The following SPMIP7 variants were observed in gnomAD, a reference collection of about 807,000 sequenced individuals.
SPMIP7 encodes protein SPMIP7.
chr7:50,152,722 T>C, the SPMIP7 span, among the ~76,000 whole-genome samples: 20 of 148,810 alleles, frequency 1.3e-4, no homozygotes, highest in East Asian at 3.7e-3. Flanking sequence ...CAGAGTACTC[T>C]GTCACTCAGG....
chr7:50,095,964 G>C, the SPMIP7 span: 1 of 620,668 alleles, frequency 1.6e-6, no homozygotes, highest in African/African-American at 1.9e-5. Flanking sequence ...TTAGAAAGCT[G>C]TGTCAATTTT....
the SPMIP7 span, among the ~76,000 whole-genome samples, chr7:50,112,354 C>T: frequency 6.6e-6 from 1 of 151,978 alleles, no homozygotes; most frequent in Non-Finnish European, 1.5e-5. Flanking sequence ...TTGGCATGGT[C>T]AGAATTTTGG....
the SPMIP7 span, among the ~76,000 whole-genome samples, chr7:50,144,421 AAT>A: frequency 1.3e-5 from 2 of 152,204 alleles, no homozygotes; most frequent in African/African-American, 4.8e-5. Flanking sequence ...GTAAGATTGA[AAT>A]ATGCACTAGA....
At chr7:50,114,555 G>T in the SPMIP7 span, among the ~76,000 whole-genome samples, 5 of 151,648 alleles carry the variant, frequency 3.3e-5, no homozygotes, top group African/African-American at 1.2e-4. Context: ...GTTAATAGGA[G>T]ATAAAATGAA....
At chr7:50,118,922 A>G in the SPMIP7 span, among the ~76,000 whole-genome samples, 1 of 152,210 alleles carries the variant, frequency 6.6e-6, no homozygotes, top group Non-Finnish European at 1.5e-5. Context: ...ATATGCCCTT[A>G]ATAATAGAAC....
At chr7:50,124,416 A>G in the SPMIP7 span, among the ~76,000 whole-genome samples, 1 of 152,166 alleles carries the variant, frequency 6.6e-6, no homozygotes, top group Admixed American at 6.5e-5. Flanking sequence ...CACTACACCA[A>G]ACACACACTA....
At chr7:50,145,616 GTGTA>G in the SPMIP7 span, among the ~76,000 whole-genome samples, 9 of 26,946 alleles carry the variant, frequency 3.3e-4, no homozygotes, top group Admixed American at 5.1e-4. Context: ...GTATATGTGT[GTGTA>G]TATATATATA....
chr7:50,141,426 C>A, the SPMIP7 span: 1 of 1,242,502 alleles, frequency 8.0e-7, no homozygotes, highest in Non-Finnish European at 1.2e-6. Context: ...TGTTTTATTA[C>A]TAAGGATGAA....
chr7:50,120,596 A>G, the SPMIP7 span, among the ~76,000 whole-genome samples: 1 of 152,160 alleles, frequency 6.6e-6, no homozygotes, highest in Non-Finnish European at 1.5e-5. Context: ...TCCTGTAAAC[A>G]CTGCCACCGA....
chr7:50,134,000 G>A, the SPMIP7 span: 6 of 969,240 alleles, frequency 6.2e-6, no homozygotes, highest in African/African-American at 3.3e-5. Flanking sequence ...CAAGGGGCAG[G>A]GATCCTCAGG....
At chr7:50,114,359 A>G in the SPMIP7 span, among the ~76,000 whole-genome samples, 2 of 152,172 alleles carry the variant, frequency 1.3e-5, no homozygotes, top group African/African-American at 2.4e-5. Context: ...GTGTGACAGT[A>G]GTATAAGGGA....
the SPMIP7 span, among the ~76,000 whole-genome samples, chr7:50,125,964 C>T: frequency 2.0e-5 from 3 of 151,984 alleles, no homozygotes; most frequent in African/African-American, 7.2e-5. Flanking sequence ...AGATTTTTGG[C>T]ATCCTCACCA....
chr7:50,130,494 C>G, the SPMIP7 span, among the ~76,000 whole-genome samples: 127,272 of 152,120 alleles, frequency 0.84, 53,291 homozygotes, highest in East Asian at 0.92. Flanking sequence ...CCCCACCCTA[C>G]ACAGGTAAGG....
chr7:50,103,382 C>A, the SPMIP7 span, among the ~76,000 whole-genome samples: 8 of 152,248 alleles, frequency 5.3e-5, 1 homozygote, highest in South Asian at 8.3e-4. Flanking sequence ...GTCACCTGCC[C>A]AAACCAAAGT....
the SPMIP7 span, among the ~76,000 whole-genome samples, chr7:50,125,375 C>CACATATATAT: frequency 1.9e-4 from 17 of 87,760 alleles, 1 homozygote; most frequent in East Asian, 6.5e-4. Flanking sequence ...CATATATATA[C>CACATATATAT]ACATATACAC....
At chr7:50,151,619 G>C in the SPMIP7 span, 2 of 1,178,328 alleles carry the variant, frequency 1.7e-6, no homozygotes, top group South Asian at 3.1e-5. Context: ...TCCTAATTGT[G>C]GTTATTCCAT....
the SPMIP7 span, among the ~76,000 whole-genome samples, chr7:50,108,512 G>A: frequency 6.6e-6 from 1 of 152,082 alleles, no homozygotes; most frequent in Non-Finnish European, 1.5e-5. Context: ...TAGTCAACAA[G>A]CATGTCAACT....
the SPMIP7 span, among the ~76,000 whole-genome samples, chr7:50,127,408 G>A: frequency 3.4e-4 from 52 of 151,458 alleles, no homozygotes; most frequent in Non-Finnish European, 6.3e-4. Context: ...TAGAAAAAAT[G>A]GGACTACATC....
the SPMIP7 span, among the ~76,000 whole-genome samples, chr7:50,099,194 T>C: frequency 6.6e-6 from 1 of 152,174 alleles, no homozygotes; most frequent in African/African-American, 2.4e-5. Context: ...ATTAGGTCTA[T>C]TTGGTCTATG....
Sources: allele counts gnomAD v4.1 joint callset (sites outside exome capture counted in the v4.1 genomes callset), GRCh38; gene constraint gnomAD v4.1.1; transcripts MANE v1.5; gene names NCBI Gene and HGNC (gene_info 2026-07-23, HGNC 2026-07-21).